PRR16: variants seen among roughly 807,000 people sequenced by gnomAD.
PRR16 encodes protein Largen.
In PRR16, 6 loss-of-function variants were observed where a neutral mutation model predicts 18.2. The observed-to-expected ratio is 0.33, with a 90% CI of 0.18 to 0.65. The LOEUF (loss-of-function observed/expected upper bound fraction) is 0.65, where lower values mean the gene tolerates loss of function less well. Ranked by LOEUF, PRR16 falls within the 30% of genes least tolerant of loss-of-function variation. The probability of loss-of-function intolerance (pLI) is 0.74; values close to 1 mark genes in which losing one functional copy is unlikely to be tolerated. For missense variants in PRR16, 412 were observed against 376.6 expected, an observed-to-expected ratio of 1.09 and a Z score of -0.78; for synonymous variants, 151 against 147.8, an observed-to-expected ratio of 1.02 and a Z score of -0.16.
intron 1 of PRR16, among the ~76,000 whole-genome samples, chr5:120,511,450 G>A (rs1750822067): frequency 6.6e-6 from 1 of 152,078 alleles, no homozygotes; most frequent in Non-Finnish European, 1.5e-5. Context: ...GTGTCTGGGA[G>A]CCACTTTGGG....
chr5:120,617,073 A>T, intron 1 of PRR16: 2 of 973,406 alleles, frequency 2.1e-6, no homozygotes, highest in Non-Finnish European at 2.4e-6. Context: ...TATTTTTTAA[A>T]GTTTTCTAAT....
intron 1 of PRR16, among the ~76,000 whole-genome samples, chr5:120,633,157 G>GT (rs1331764009): frequency 1.3e-5 from 2 of 152,020 alleles, no homozygotes; most frequent in Non-Finnish European, 2.9e-5. Context: ...GAAAGATACA[G>GT]TTTTTTCCAG....
At chr5:120,713,689 G>T in the PRR16 span, among the ~76,000 whole-genome samples, 5 of 151,868 alleles carry the variant, frequency 3.3e-5, no homozygotes, top group Admixed American at 2.6e-4. Context: ...AGGGCCTTTC[G>T]CTCAGTAGTT....
At chr5:120,540,723 C>A (rs1277235777) in intron 1 of PRR16, among the ~76,000 whole-genome samples, 1 of 152,166 alleles carries the variant, frequency 6.6e-6, no homozygotes, top group African/African-American at 2.4e-5. Flanking sequence ...TCAAGGTCAT[C>A]ACCAAGGTCT....
chr5:120,675,979 C>T (rs912014782), intron 1 of PRR16, among the ~76,000 whole-genome samples: 10 of 152,120 alleles, frequency 6.6e-5, no homozygotes, highest in African/African-American at 2.4e-4. Flanking sequence ...AACAACACAA[C>T]ACCTCCCAAG....
At chr5:120,494,760 T>G (rs1239257321) in intron 1 of PRR16, among the ~76,000 whole-genome samples, 1 of 152,152 alleles carries the variant, frequency 6.6e-6, no homozygotes, top group Non-Finnish European at 1.5e-5. Context: ...TGAGTTAATT[T>G]TTGTATACAG....
At chr5:120,688,879 G>A (rs958623877), downstream of PRR16, among the ~76,000 whole-genome samples, 1 of 152,138 alleles carries the variant, frequency 6.6e-6, no homozygotes, top group African/African-American at 2.4e-5. Context: ...TATTGAGCCA[G>A]ACACCTAGAA....
chr5:120,705,703 C>T, the PRR16 span, among the ~76,000 whole-genome samples: 1 of 152,192 alleles, frequency 6.6e-6, no homozygotes, highest in African/African-American at 2.4e-5. Flanking sequence ...ATTATGATCA[C>T]TATGTATATT....
intron 1 of PRR16, among the ~76,000 whole-genome samples, chr5:120,503,745 C>T (rs1184418151): frequency 9.4e-4 from 129 of 137,100 alleles, no homozygotes; most frequent in East Asian, 7.2e-3. Flanking sequence ...CCCATTAACT[C>T]GTCATTTAGC....
chr5:120,591,106 C>T (rs566492110), intron 1 of PRR16, among the ~76,000 whole-genome samples: 257 of 151,810 alleles, frequency 1.7e-3, no homozygotes, highest in Non-Finnish European at 3.3e-3. Context: ...AGTGAAACAC[C>T]GTCTCTACTA....
chr5:120,751,173 C>T, the PRR16 span, among the ~76,000 whole-genome samples: 35 of 152,132 alleles, frequency 2.3e-4, no homozygotes, highest in South Asian at 8.3e-4. Flanking sequence ...ACCACTTTTC[C>T]GTATTCATTC....
At position 120,686,140 on chromosome 5, in the gene PRR16, G is replaced by A; in HGVS notation, c.346G>A (p.Val116Ile). 2.5e-6 allele frequency: 4 copies of A among 1,614,068 alleles called. No homozygotes were observed. The highest frequency in any genetic ancestry group is 2.5e-6 in the Non-Finnish European group (3 of 1,180,010). ...PPAHPSAILT[V>I]LRKPNPPPPP... ...AGCACACCCGTCTGCTATCCTCACG[G>A]TCCTGAGAAAGCCAAACCCTCCACC... The change falls in exon 2 of 2, where the codon GTC becomes ATC. Residue 116 changes from valine to isoleucine, a missense_variant. Transcript: ENST00000407149.
At position 120,686,706 on chromosome 5, in the gene PRR16, G is replaced by T. The variant is rs1757140166; in HGVS notation, c.912G>T (p.Val304=). The T allele has an allele frequency of 1.4e-5, 21 of 1,497,052 alleles. No homozygotes were observed. The highest frequency in any genetic ancestry group is 1.8e-5 in the Non-Finnish European group (20 of 1,121,642). 92.7% of individuals were successfully genotyped at this position (1,497,052 alleles called of 1,614,324 possible). Residue 304 remains valine (V), a synonymous_variant, in exon 2 of 2, where the codon GTG becomes GTT. Transcript: ENST00000407149. The part of the protein sequence containing the change: ...TILRKSTTTT[V] ...TGAGGAAGTCAACCACTACAACCGT[G>T]TGATGTATGCCATTAAAAAAATTGT...
intron 1 of PRR16, among the ~76,000 whole-genome samples, chr5:120,596,573 T>C (rs1193048786): frequency 1.3e-5 from 2 of 151,800 alleles, no homozygotes; most frequent in Non-Finnish European, 2.9e-5. Context: ...TCAATACCTC[T>C]ATATCAATTG....
chr5:120,628,693 ACCATCTATCTATCTAT>A (rs1561581778), intron 1 of PRR16, among the ~76,000 whole-genome samples: 4 of 130,696 alleles, frequency 3.1e-5, no homozygotes, highest in Admixed American at 2.5e-4. Flanking sequence ...CTATCATTCT[ACCATCTATCTATCTAT>A]CTATCTATCT....
the PRR16 span, among the ~76,000 whole-genome samples, chr5:120,767,877 G>A: frequency 6.6e-6 from 1 of 151,656 alleles, no homozygotes; most frequent in Non-Finnish European, 1.5e-5. Context: ...ACAACTTAGA[G>A]TGACTGAGCT....
chr5:120,702,921 C>T, the PRR16 span, among the ~76,000 whole-genome samples: 2 of 152,130 alleles, frequency 1.3e-5, no homozygotes, highest in African/African-American at 4.8e-5. Flanking sequence ...GGATTGATCT[C>T]CCAAGGGAGG....
chr5:120,646,412 A>T (rs942065023), intron 1 of PRR16, among the ~76,000 whole-genome samples: 1 of 151,954 alleles, frequency 6.6e-6, no homozygotes, highest in Non-Finnish European at 1.5e-5. Context: ...GAATTTTAGC[A>T]GCCAAGATGA....
At chr5:120,735,149 A>G in the PRR16 span, among the ~76,000 whole-genome samples, 1 of 152,208 alleles carries the variant, frequency 6.6e-6, no homozygotes, top group Non-Finnish European at 1.5e-5. Context: ...GCTTAGCAAG[A>G]GGTCCTCAAA....
Sources: allele counts gnomAD v4.1 joint callset (sites outside exome capture counted in the v4.1 genomes callset), GRCh38; gene constraint gnomAD v4.1.1; transcripts MANE v1.5; gene names NCBI Gene and HGNC (gene_info 2026-07-23, HGNC 2026-07-21).